DCAF6: variants seen among roughly 807,000 people sequenced by gnomAD.
The protein encoded by DCAF6 is DDB1- and CUL4-associated factor 6.
Under a neutral mutation model 125.1 loss-of-function variants are expected in DCAF6, and 54 were observed. The observed-to-expected ratio is 0.43, with a 90% confidence interval of 0.35 to 0.54. DCAF6 has a LOEUF of 0.54. Among genes scored for constraint, DCAF6 ranks in the 20% least tolerant of loss-of-function variants. The pLI, the probability that DCAF6 is intolerant of heterozygous loss-of-function variation, is 0.01. For missense variants in DCAF6, 934 were observed against 1,161.7 expected (o/e 0.80, Z 2.85); for synonymous variants, 371 against 390.4 (o/e 0.95, Z 0.58).
chr1:168,009,790 C>A (rs2103125463), intron 10 of DCAF6, among the ~76,000 whole-genome samples: 1 of 142,054 alleles, frequency 7.0e-6, no homozygotes, highest in East Asian at 1.9e-4. Context: ...AAATTTTATT[C>A]TCTTCTATAT....
chr1:168,016,023 C>G, intron 11 of DCAF6, 72 bp downstream of exon 11: 1 of 1,246,802 alleles, frequency 8.0e-7, no homozygotes, highest in Non-Finnish European at 1.0e-6. Context: ...TAATAAGGTG[C>G]TTCCCTTTTC....
At chr1:167,869,204 T>A in the DCAF6 span, among the ~76,000 whole-genome samples, 1 of 152,204 alleles carries the variant, frequency 6.6e-6, no homozygotes, top group Non-Finnish European at 1.5e-5. Context: ...AACTCTTATA[T>A]AGGAGTTATA....
chr1:168,044,077 G>C (rs1210978536), intron 14 of DCAF6, among the ~76,000 whole-genome samples: 10 of 152,142 alleles, frequency 6.6e-5, no homozygotes, highest in Admixed American at 6.6e-4. Context: ...GGAAGAAGCA[G>C]TGGGCCCATC....
chr1:167,912,700 C>T, the DCAF6 span, among the ~76,000 whole-genome samples: 2 of 152,212 alleles, frequency 1.3e-5, no homozygotes. Context: ...GCCTATTAAA[C>T]TCTCCGATCC....
chr1:168,018,333 T>A (rs1685240512), intron 11 of DCAF6, among the ~76,000 whole-genome samples: 1 of 152,240 alleles, frequency 6.6e-6, no homozygotes, highest in Non-Finnish European at 1.5e-5. Flanking sequence ...TAAAATGAGC[T>A]GTATAAAATA....
At chr1:167,928,196 A>C in the DCAF6 span, among the ~76,000 whole-genome samples, 1 of 152,062 alleles carries the variant, frequency 6.6e-6, no homozygotes, top group African/African-American at 2.4e-5. Context: ...AAAATACAAA[A>C]AATTAGCTGC....
At chr1:167,951,365 A>G (rs577030735) in intron 1 of DCAF6, among the ~76,000 whole-genome samples, 1 of 152,264 alleles carries the variant, frequency 6.6e-6, no homozygotes, top group East Asian at 1.9e-4. Context: ...AGTTGAGGTG[A>G]GGAGTTTGAG....
At chr1:167,926,876 G>A in the DCAF6 span, among the ~76,000 whole-genome samples, 1 of 152,136 alleles carries the variant, frequency 6.6e-6, no homozygotes, top group African/African-American at 2.4e-5. Context: ...ATCTCAGGTT[G>A]CATCTCCTCA....
intron 4 of DCAF6, among the ~76,000 whole-genome samples, chr1:167,979,110 A>C (rs918502773): frequency 2.0e-5 from 3 of 152,070 alleles, no homozygotes; most frequent in African/African-American, 7.2e-5. Flanking sequence ...TTAGATCTGT[A>C]ATCTATCTGG....
chr1:167,995,637 C>G (rs1681544280), intron 7 of DCAF6, among the ~76,000 whole-genome samples: 1 of 151,160 alleles, frequency 6.6e-6, no homozygotes, highest in South Asian at 2.1e-4. Flanking sequence ...CGAGATCACG[C>G]CATTGCACTC....
chr1:167,942,404 CT>C (rs58678963), intron 1 of DCAF6, among the ~76,000 whole-genome samples: 4 of 152,048 alleles, frequency 2.6e-5, no homozygotes, highest in African/African-American at 9.7e-5. Flanking sequence ...TGTTGAGTAT[CT>C]TTTGTGGCTT....
At chr1:167,986,478 CAT>C (rs1478691757) in intron 4 of DCAF6, among the ~76,000 whole-genome samples, 1 of 152,156 alleles carries the variant, frequency 6.6e-6, no homozygotes, top group African/African-American at 2.4e-5. Flanking sequence ...GTGTTTCAAA[CAT>C]AGGAATATTG....
the DCAF6 span, chr1:167,918,427 G>A: frequency 2.0e-6 from 2 of 1,006,244 alleles, no homozygotes; most frequent in South Asian, 1.5e-5. Context: ...AGGAGAGAAT[G>A]GGAAGCATAC....
chr1:167,885,743 T>A, the DCAF6 span, among the ~76,000 whole-genome samples: 1 of 151,982 alleles, frequency 6.6e-6, no homozygotes, highest in Admixed American at 6.6e-5. Context: ...AGCCCCTGAG[T>A]AGCTGGGATT....
chr1:168,046,717 C>G (rs995262950), intron 16 of DCAF6, among the ~76,000 whole-genome samples: 3 of 152,066 alleles, frequency 2.0e-5, no homozygotes, highest in Non-Finnish European at 4.4e-5. Context: ...ATGAGGTTAG[C>G]AAGCTTAGCA....
At chr1:168,055,909 C>T (rs1690668847) in intron 17 of DCAF6, 3 of 1,534,690 alleles carry the variant, frequency 2.0e-6, no homozygotes, top group Admixed American at 3.3e-5. Flanking sequence ...TTTCACTCCT[C>T]AATAGATTTT....
At chr1:167,869,262 T>G in the DCAF6 span, among the ~76,000 whole-genome samples, 1 of 152,180 alleles carries the variant, frequency 6.6e-6, no homozygotes, top group Non-Finnish European at 1.5e-5. Context: ...TGCCTGTACT[T>G]CTTCAAATGA....
the DCAF6 span, chr1:167,870,350 C>G: frequency 6.2e-7 from 1 of 1,613,570 alleles, no homozygotes; most frequent in Non-Finnish European, 8.5e-7. Context: ...GACTTGGCTG[C>G]TGTTAGATAT....
chr1:167,980,589 G>GCTT (rs779040587), intron 4 of DCAF6, among the ~76,000 whole-genome samples: 5 of 151,898 alleles, frequency 3.3e-5, no homozygotes, highest in Non-Finnish European at 7.4e-5. Context: ...CTTTTCATAT[G>GCTT]CTTCTTGGCC....
Sources: gnomAD v4.1 joint callset for allele counts (sites outside exome capture counted in the v4.1 genomes callset) on GRCh38, gnomAD v4.1.1 for gene constraint, MANE v1.5 for transcripts, NCBI Gene and HGNC (gene_info 2026-07-23, HGNC 2026-07-21) for gene names.